Variants in PDE6B observed in about 807,000 individuals in gnomAD.
The protein encoded by PDE6B is rod cGMP-specific 3',5'-cyclic phosphodiesterase subunit beta.
PDE6B carries 106 observed loss-of-function variants against 109.0 expected under a neutral mutation model. The observed-to-expected ratio is 0.97, with a 90% CI of 0.83 to 1.14. The LOEUF (loss-of-function observed/expected upper bound fraction) is 1.14. Ranked by LOEUF, PDE6B falls within the 50% of genes most tolerant of loss-of-function variation. The pLI is 0.00. For missense variants in PDE6B, 1,193 were observed against 1,155.6 expected (o/e 1.03, Z -0.47); for synonymous variants, 490 against 471.3 (o/e 1.04, Z -0.51).
chr4:641,951 GT>G (rs1482657134), intron 3 of PDE6B, among the ~76,000 whole-genome samples: 5 of 152,168 alleles, frequency 3.3e-5, no homozygotes, highest in Admixed American at 3.3e-4. Context: ...CAAGCCAGGA[GT>G]TTTTTATTGA....
At position 666,583 on chromosome 4, in the gene PDE6B, T is replaced by C; in HGVS notation, c.2321T>C (p.Phe774Ser). 1 of 1,612,890 alleles carries C rather than the reference T, an allele frequency of 6.2e-7. No homozygotes were observed. Among genetic ancestry groups the C allele is most frequent in the Non-Finnish European group, 8.5e-7 (1 of 1,179,078 alleles). ...GAGCTCCCCAAGCTGCAAGTGGGCT[T>C]CATCGACTTCGTGTGCACATTCGTG... ...AAELPKLQVG[F>S]IDFVCTFVYK... The change falls in exon 20 of 22, where the codon TTC becomes TCC. Residue 774 changes from phenylalanine to serine, a missense_variant. Transcript: ENST00000496514. This position sits in a 1 kb window ranked among gnomAD's most constrained non-coding sequence, Gnocchi z 5.6.
chr4:649,322 T>C (rs564411524), intron 3 of PDE6B, among the ~76,000 whole-genome samples: 1 of 152,284 alleles, frequency 6.6e-6, no homozygotes, highest in African/African-American at 2.4e-5. Flanking sequence ...AACAACCAGC[T>C]CTGAGAAGCT....
rs1260391277 is a variant in PDE6B, at chr4:634,795, T to C, written c.587T>C (p.Leu196Pro). The C allele has an allele frequency of 1.2e-6, 2 of 1,613,934 alleles. No homozygotes were observed. Among genetic ancestry groups the C allele is most frequent in the African/African-American group, 2.7e-5 (2 of 75,004 alleles). The change falls in exon 2 of 22, where the codon CTC becomes CCC. Residue 196 changes from leucine (L) to proline (P), a missense_variant. Leu to Pro is a moderately conservative substitution (Grantham distance 98, BLOSUM62 -3). Transcript: ENST00000496514. Reference sequence around the variant, plus strand: ...GCGGTGATCATGGCAGTGAACAAGCTCAACGGCCCATTCTTCACCAGCGAA... The same window carrying C: ...GCGGTGATCATGGCAGTGAACAAGCCCAACGGCCCATTCTTCACCAGCGAA... ...VVAVIMAVNK[L>P]NGPFFTSEDE...
chr4:646,754 G>A (rs879329523), intron 3 of PDE6B, among the ~76,000 whole-genome samples: 9 of 151,954 alleles, frequency 5.9e-5, no homozygotes, highest in Non-Finnish European at 1.2e-4. Flanking sequence ...ACTCCAGCGC[G>A]CCTTGTCCTT....
intron 21 of PDE6B, 62 bp downstream of exon 21, chr4:668,068 G>C: frequency 6.7e-7 from 1 of 1,491,044 alleles, no homozygotes; most frequent in Non-Finnish European, 9.2e-7. Context: ...AAAATGAAAA[G>C]ACAGGGCACA....
At chr4:668,401 C>T (rs746993657) in intron 21 of PDE6B, among the ~76,000 whole-genome samples, 2 of 150,464 alleles carry the variant, frequency 1.3e-5, no homozygotes, top group African/African-American at 2.5e-5. Flanking sequence ...TTGCTATTCC[C>T]GCTGCTCCCA....
intron 3 of PDE6B, among the ~76,000 whole-genome samples, chr4:650,601 A>G (rs1001682356): frequency 6.6e-6 from 1 of 152,192 alleles, no homozygotes; most frequent in Non-Finnish European, 1.5e-5. Flanking sequence ...CCAGCCCAGA[A>G]CCACCCAGGC....
intron 3 of PDE6B, among the ~76,000 whole-genome samples, chr4:650,804 G>A (rs1327523685): frequency 2.0e-5 from 3 of 152,176 alleles, no homozygotes; most frequent in Non-Finnish European, 2.9e-5. Context: ...GGGTGTTGAC[G>A]GGGGCACAGA....
At chr4:640,269 G>GCCACCA (rs1349694742) in intron 3 of PDE6B, among the ~76,000 whole-genome samples, 1 of 152,078 alleles carries the variant, frequency 6.6e-6, no homozygotes, top group Non-Finnish European at 1.5e-5. Flanking sequence ...GCCAGGCGTG[G>GCCACCA]TGGCTCATGT....
intron 17 of PDE6B, 71 bp downstream of exon 17, chr4:664,292 AC>A: frequency 1.2e-6 from 1 of 868,940 alleles, no homozygotes; most frequent in Admixed American, 1.7e-5. Context: ...CAGCTGGTTA[AC>A]CCTGCAGCCC....
At chr4:645,464 T>G (rs1366863694) in intron 3 of PDE6B, among the ~76,000 whole-genome samples, 2 of 150,912 alleles carry the variant, frequency 1.3e-5, no homozygotes, top group Non-Finnish European at 2.9e-5. Flanking sequence ...CCCGGCTAAT[T>G]TTTTGTATTT....
chr4:664,295 C>G, intron 17 of PDE6B, 74 bp downstream of exon 17: 2 of 850,080 alleles, frequency 2.4e-6, no homozygotes, highest in Non-Finnish European at 2.0e-6. Context: ...CTGGTTAACC[C>G]TGCAGCCCTC....
At position 653,927 on chromosome 4, in the gene PDE6B, A is replaced by G. The variant is rs761281062; in HGVS notation, c.787A>G (p.Thr263Ala). The change falls in exon 4 of 22, where the codon ACG becomes GCG. Residue 263 changes from threonine (T) to alanine (A), a missense_variant. Coordinates refer to ENST00000496514, the MANE Select transcript of PDE6B (RefSeq NM_000283.4). Reference sequence around the variant, plus strand: ...GAGGCAGTTCCACAAGGCCTTCTACACGGTGCGGGCCTACCTCAACTGCGA... The same window carrying G: ...GAGGCAGTTCCACAAGGCCTTCTACGCGGTGCGGGCCTACCTCAACTGCGA... Reference protein sequence around the residue: ...IERQFHKAFYTVRAYLNCERY... With the variant: ...IERQFHKAFYAVRAYLNCERY... 160 of 1,613,624 alleles carry G rather than the reference A, an allele frequency of 9.9e-5. No individual in the cohort carries two copies. The highest frequency in any genetic ancestry group is 1.3e-4 in the Non-Finnish European group (152 of 1,179,894).
At position 662,769 on chromosome 4, in the gene PDE6B, T is replaced by A. The variant is rs889841750; in HGVS notation, c.1832+151T>A. ...CTGTGGGAGGCCAAGGCGAGGGGAT[T>A]GCTTGAGCCCAGGAGTTCGAGACCA... On this transcript the variant is annotated intron_variant, in intron 14 of 21. Coordinates refer to ENST00000496514, the MANE Select transcript of PDE6B (RefSeq NM_000283.4). This position sits in a 1 kb window ranked among gnomAD's most constrained non-coding sequence, Gnocchi z 4.3. The A allele has an allele frequency of 4.3e-6, 3 of 693,382 alleles. No homozygotes were observed. Among genetic ancestry groups the A allele is most frequent in the African/African-American group, 3.5e-5 (2 of 56,364 alleles). The allele number at this position is 693,382 out of a possible 1,614,324, so 43.0% of individuals were successfully genotyped here. A position where few individuals can be genotyped will look rare whatever the true frequency, so the allele number is the denominator to read the frequency against.
At chr4:635,782 G>A (rs1291624651) in intron 2 of PDE6B, 98 bp from the exon 3 acceptor site, 3 of 743,694 alleles carry the variant, frequency 4.0e-6, no homozygotes, top group Non-Finnish European at 4.9e-6. Flanking sequence ...GCGTGTCTGG[G>A]CACCCTCAGG....
chr4:662,266 G>A lies in PDE6B; in HGVS notation c.1722+25G>A. On this transcript the variant is annotated intron_variant, in intron 13 of 21. Transcript: ENST00000496514. The surrounding 1 kb of genome is among the most constrained non-coding windows in gnomAD (Gnocchi z 4.3). ...GGTACGTGGCTGCCAGAATCACCAG[G>A]GTTGTGCAGGCCCTCCTGGTACCAA... 7.6e-7 allele frequency: 1 copy of A among 1,314,004 alleles called. No individual in the cohort carries two copies. Among genetic ancestry groups the A allele is most frequent in the Non-Finnish European group, 1.1e-6 (1 of 929,784 alleles). The allele number at this position is 1,314,004 out of a possible 1,614,324, so 81.4% of individuals were successfully genotyped here.
At position 670,083 on chromosome 4, in the gene PDE6B, G is replaced by C; in HGVS notation, c.2541G>C (p.Lys847Asn). Reference sequence around the variant, plus strand: ...TTTGCAATGGCGGCCCAGCACCCAAGTCTTCAACCTGCTGTATCCTGTGAG... The same window carrying C: ...TTTGCAATGGCGGCCCAGCACCCAACTCTTCAACCTGCTGTATCCTGTGAG... ...TEICNGGPAP[K>N]SSTCCIL The change falls in exon 22 of 22, where the codon AAG becomes AAC. Residue 847 changes from lysine (K) to asparagine (N), a missense_variant. Lys to Asn is a moderately conservative substitution (Grantham distance 94). Coordinates refer to ENST00000496514, the MANE Select transcript of PDE6B (RefSeq NM_000283.4). The C allele has an allele frequency of 6.2e-7, 1 of 1,613,146 alleles. No homozygotes were observed. The highest frequency in any genetic ancestry group is 8.5e-7 in the Non-Finnish European group (1 of 1,179,610).
intron 3 of PDE6B, 124 bp from the exon 4 acceptor site, chr4:653,728 C>T (rs1206623447): frequency 7.3e-6 from 8 of 1,092,286 alleles, no homozygotes; most frequent in Non-Finnish European, 1.1e-5. Context: ...GGCTCCACGG[C>T]TGGGCAGGTG....
At position 654,004 on chromosome 4, in the gene PDE6B, G is replaced by T. The variant is rs201676629; in HGVS notation, c.852+12G>T. The stretch of plus-strand genomic sequence containing the variant: ...TGACCAAGGAGAAGGTGAGGCTTCC[G>T]TGGCTCAGGGACCCCCTGCCTGGCC... On this transcript the variant is annotated intron_variant, in intron 4 of 21. Coordinates refer to ENST00000496514, the MANE Select transcript of PDE6B (RefSeq NM_000283.4). 6.2e-7 allele frequency: 1 copy of T among 1,613,648 alleles called. No homozygotes were observed. Among genetic ancestry groups the T allele is most frequent in the East Asian group, 2.2e-5 (1 of 44,898 alleles).
Sources: gnomAD v4.1 joint callset for allele counts (sites outside exome capture counted in the v4.1 genomes callset) on GRCh38, gnomAD v4.1.1 for gene constraint, Gnocchi (gnomAD v3.1) non-coding constraint, MANE v1.5 for transcripts, NCBI Gene and HGNC (gene_info 2026-07-23, HGNC 2026-07-21) for gene names.